The following DDI2 variants were observed in gnomAD, a reference collection of about 807,000 sequenced individuals.
The protein encoded by DDI2 is DDI proteasomal shuttling factor 2, also known as protein DDI1 homolog 2.
In DDI2, 5 loss-of-function variants were observed where a neutral mutation model predicts 48.1. The observed-to-expected ratio is 0.10, with a 90% CI of 0.05 to 0.22. The LOEUF is 0.22. DDI2 is among the 10% of genes least tolerant of loss of function. The pLI, the probability that DDI2 is intolerant of heterozygous loss-of-function variation, is 1.00. For missense variants in DDI2, 285 were observed against 506.2 expected (o/e 0.56, Z 4.19); for synonymous variants, 205 against 183.6 (o/e 1.12, Z -0.94).
At position 15,661,333 on chromosome 1, in the gene DDI2, G is replaced by C. The variant is rs776968154; in HGVS notation, c.*1543G>C. The stretch of plus-strand genomic sequence containing the variant: ...ATCCAATCAGTTACACTGCACCTTA[G>C]GTGTAGAAATTTCACCCAAACTTTT... On this transcript the variant is annotated 3_prime_UTR_variant, in exon 10 of 10. Coordinates refer to ENST00000480945, the MANE Select transcript of DDI2 (RefSeq NM_032341.5). The C allele has an allele frequency of 6.2e-7, 1 of 1,614,036 alleles. No homozygotes were observed. Among genetic ancestry groups the C allele is most frequent in the Non-Finnish European group, 8.5e-7 (1 of 1,179,972 alleles).
chr1:15,652,015 A>C, intron 8 of DDI2, 120 bp downstream of exon 8: 1 of 532,898 alleles, frequency 1.9e-6, no homozygotes, highest in Non-Finnish European at 2.7e-6. Context: ...CCAGTAGTAG[A>C]TGTGTTCATT....
intron 8 of DDI2, 50 bp downstream of exon 8, chr1:15,651,945 C>A: frequency 7.0e-6 from 11 of 1,560,394 alleles, no homozygotes; most frequent in Non-Finnish European, 9.6e-6. Context: ...TGGGTAAGCC[C>A]GGGAAGTGTG....
chr1:15,659,075 T>G (rs1640317620), intron 9 of DDI2, among the ~76,000 whole-genome samples: 1 of 152,236 alleles, frequency 6.6e-6, no homozygotes, highest in African/African-American at 2.4e-5. Flanking sequence ...TGATTGTGAT[T>G]TAATCTGCTG....
intron 9 of DDI2, 111 bp from the exon 10 acceptor site, chr1:15,659,726 G>A: frequency 8.6e-7 from 1 of 1,159,326 alleles, no homozygotes; most frequent in Non-Finnish European, 1.2e-6. Context: ...AGAAACCCGA[G>A]TTTGAGGACC....
intron 3 of DDI2, among the ~76,000 whole-genome samples, chr1:15,631,700 T>C (rs1639845810): frequency 6.6e-6 from 1 of 152,190 alleles, no homozygotes; most frequent in African/African-American, 2.4e-5. Context: ...GTCAATCTCC[T>C]CTCCTTATAG....
At chr1:15,656,388 C>T (rs976193080) in intron 8 of DDI2, 1 of 1,391,976 alleles carries the variant, frequency 7.2e-7, no homozygotes, top group Non-Finnish European at 9.4e-7. Context: ...AATTTCTTTA[C>T]AAGATCTATT....
intron 5 of DDI2, among the ~76,000 whole-genome samples, chr1:15,640,933 T>C (rs547217396): frequency 6.6e-6 from 1 of 152,090 alleles, no homozygotes; most frequent in African/African-American, 2.4e-5. Flanking sequence ...ATCGGTGGAA[T>C]TCAGGAAAAA....
chr1:15,617,769 G>T lies in DDI2; in HGVS notation c.99G>T (p.Leu33=), dbSNP rs1488294485. ...ADFELHNFRA[L]CELESGIPAA... is the part of the protein sequence containing the mutation. The stretch of plus-strand genomic sequence containing the variant: ...TCGAGCTGCACAACTTCCGCGCGCT[G>T]TGCGAGCTCGAGTCTGGCATCCCCG... The change falls in exon 1 of 10, where the codon CTG becomes CTT. Residue 33 remains leucine (L), a synonymous_variant. Transcript: ENST00000480945. The T allele has an allele frequency of 6.2e-7, 1 of 1,608,728 alleles. No homozygotes were observed. Among genetic ancestry groups the T allele is most frequent in the Non-Finnish European group, 8.5e-7 (1 of 1,178,688 alleles).
At chr1:15,645,726 C>T (rs1449514801) in intron 6 of DDI2, among the ~76,000 whole-genome samples, 1 of 152,048 alleles carries the variant, frequency 6.6e-6, no homozygotes, top group Non-Finnish European at 1.5e-5. Context: ...TTTAAATAGC[C>T]GGGTGTGGTG....
At chr1:15,630,883 G>A (rs562090329) in intron 3 of DDI2, among the ~76,000 whole-genome samples, 331 of 152,114 alleles carry the variant, frequency 2.2e-3, no homozygotes, top group Non-Finnish European at 3.8e-3. Flanking sequence ...TTGCTCTTTC[G>A]CCCAGGCTGG....
chr1:15,629,403 C>G (rs1420594438), intron 2 of DDI2, among the ~76,000 whole-genome samples: 1 of 152,028 alleles, frequency 6.6e-6, no homozygotes, highest in African/African-American at 2.4e-5. Context: ...CGAGACCAGC[C>G]TGGCCAACAT....
chr1:15,640,537 T>A (rs1639991843), intron 5 of DDI2, among the ~76,000 whole-genome samples: 2 of 152,206 alleles, frequency 1.3e-5, no homozygotes, highest in Admixed American at 6.5e-5. Flanking sequence ...GTTGGATGGC[T>A]GTAGAGACCA....
At chr1:15,649,652 C>G (rs1640148258) in intron 6 of DDI2, 68 bp from the exon 7 acceptor site, 1 of 1,512,118 alleles carries the variant, frequency 6.6e-7, no homozygotes, top group African/African-American at 1.4e-5. Context: ...GCCTGGGCAA[C>G]AAGAGCGAAA....
intron 8 of DDI2, among the ~76,000 whole-genome samples, chr1:15,653,383 G>C (rs1640223712): frequency 6.6e-6 from 1 of 151,934 alleles, no homozygotes; most frequent in Non-Finnish European, 1.5e-5. Flanking sequence ...ACAGGCTCAA[G>C]CAGATCCTCT....
At position 15,617,626 on chromosome 1, in the gene DDI2, G is replaced by A. The variant is rs2103457046; in HGVS notation, c.-45G>A. On this transcript the variant is annotated 5_prime_UTR_variant, in exon 1 of 10. Coordinates refer to ENST00000480945, the MANE Select transcript of DDI2 (RefSeq NM_032341.5). ...CGCCGCCTCTTCCCCTGCGCCCCGC[G>A]CCCAGGCCGGGCCGAGCCGAGCCGA... The A allele has an allele frequency of 1.5e-6, 2 of 1,307,760 alleles. No individual in the cohort carries two copies. Among genetic ancestry groups the A allele is most frequent in the Non-Finnish European group, 2.0e-6 (2 of 1,020,688 alleles). The allele number at this position is 1,307,760 out of a possible 1,614,324, so 81.0% of individuals were successfully genotyped here.
chr1:15,649,606 G>A (rs551352690), intron 6 of DDI2, 114 bp from the exon 7 acceptor site: 2 of 944,804 alleles, frequency 2.1e-6, no homozygotes, highest in Non-Finnish European at 3.0e-6. Flanking sequence ...GGGAGGCAGA[G>A]GTTGCCATCA....
At position 15,626,741 on chromosome 1, in the gene DDI2, G is replaced by A. The variant is rs1639760858; in HGVS notation, c.211G>A (p.Val71Ile). 1.2e-5 allele frequency: 20 copies of A among 1,614,030 alleles called. No homozygotes were observed. The highest frequency in any genetic ancestry group is 1.6e-5 in the Non-Finnish European group (19 of 1,180,034). The stretch of plus-strand genomic sequence containing the variant: ...TTCTTATGGCTTGAAAGATGGGGAC[G>A]TTGTGATTTTACGACAGAAGGAGAA... ...LASYGLKDGD[V>I]VILRQKENAD... is the part of the protein sequence containing the mutation. The change falls in exon 2 of 10, where the codon GTT becomes ATT. Residue 71 changes from valine (V) to isoleucine (I), a missense_variant. Transcript: ENST00000480945.
At chr1:15,628,863 C>T (rs1639799798) in intron 2 of DDI2, among the ~76,000 whole-genome samples, 1 of 152,132 alleles carries the variant, frequency 6.6e-6, no homozygotes, top group African/African-American at 2.4e-5. Context: ...TTCCCATTTC[C>T]CCCTAGTCTC....
In DDI2 at chr1:15,652,058, C is replaced by CTTTTTTTTTTTTTTT. The variant is rs772990709; in HGVS notation, c.1183+173_1183+187dup. 3.3e-4 allele frequency among the ~76,000 whole-genome samples: 25 copies of CTTTTTTTTTTTTTTT among 75,970 alleles called. 2 individuals are homozygous for CTTTTTTTTTTTTTTT. The highest frequency in any genetic ancestry group is 1.3e-3 in the African/African-American group (20 of 15,214). The allele number at this position is 75,970 out of a possible 152,430, so 49.8% of individuals were successfully genotyped here. The stretch of plus-strand genomic sequence containing the variant: ...TTCTTAACCTCCTTCTTTGATCTTC[C>CTTTTTTTTTTTTTTT]TTTTTTTTTTTTTTTTTTTTTTTTG... On this transcript the variant is annotated intron_variant, in intron 8 of 9. Coordinates refer to ENST00000480945, the MANE Select transcript of DDI2 (RefSeq NM_032341.5).
Sources: allele counts gnomAD v4.1 joint callset (sites outside exome capture counted in the v4.1 genomes callset), GRCh38; gene constraint gnomAD v4.1.1; transcripts MANE v1.5; gene names NCBI Gene and HGNC (gene_info 2026-07-23, HGNC 2026-07-21).